The following DEAF1 variants were observed in gnomAD, a reference collection of about 807,000 sequenced individuals.
DEAF1 encodes DEAF1 transcription factor.
In DEAF1, 53 loss-of-function variants were observed where a neutral mutation model predicts 58.9. The observed-to-expected ratio is 0.90, with a 90% CI of 0.72 to 1.13. The LOEUF (loss-of-function observed/expected upper bound fraction) is 1.13. Ranked by LOEUF, DEAF1 falls within the 50% of genes most tolerant of loss-of-function variation. DEAF1 has a pLI of 0.00. For synonymous variants in DEAF1, 385 were observed against 340.4 expected, an observed-to-expected ratio of 1.13 and a Z score of -1.44; for missense variants, 685 against 791.4, an observed-to-expected ratio of 0.87 and a Z score of 1.61.
upstream of DEAF1, chr11:700,138 C>G: frequency 6.2e-7 from 1 of 1,613,894 alleles, no homozygotes; most frequent in Non-Finnish European, 8.5e-7. Flanking sequence ...TAACCACTCA[C>G]CAGCTCTCTT....
At chr11:678,631 T>C in intron 9 of DEAF1, 63 bp downstream of exon 9, 1 of 1,610,334 alleles carries the variant, frequency 6.2e-7, no homozygotes, top group East Asian at 2.2e-5. Flanking sequence ...ACTTAGGAAT[T>C]CTTTCATTGG....
chr11:656,901 G>C (rs1038387788), intron 10 of DEAF1, among the ~76,000 whole-genome samples: 3 of 151,984 alleles, frequency 2.0e-5, no homozygotes, highest in Non-Finnish European at 2.9e-5. Context: ...TAACGTTCTA[G>C]GAAGGTTAGA....
At chr11:668,528 A>C (rs1859659221) in intron 10 of DEAF1, among the ~76,000 whole-genome samples, 2 of 151,922 alleles carry the variant, frequency 1.3e-5, no homozygotes, top group Non-Finnish European at 2.9e-5. Context: ...CCGGCTAATG[A>C]AGGAAACATT....
intron 1 of DEAF1, chr11:703,481 G>A: frequency 8.0e-7 from 1 of 1,257,202 alleles, no homozygotes; most frequent in Non-Finnish European, 1.0e-6. Flanking sequence ...TGGGCCCCCA[G>A]GGCCGAGAGG....
chr11:644,917 C>G lies in DEAF1; in HGVS notation c.1594-263G>C, dbSNP rs900626631. Among the ~76,000 whole-genome samples the G allele has an allele frequency of 6.6e-6, 1 of 152,180 alleles. No individual in the cohort carries two copies. The highest frequency in any genetic ancestry group is 2.4e-5 in the African/African-American group (1 of 41,434). ...GTGGCTCACGCCTGTAATCCCAACA[C>G]TTTGGGAGGCCCAGGAGGGTGGATC... is the stretch of plus-strand genomic sequence containing the variant. On this transcript the variant is annotated intron_variant, in intron 11 of 11. Coordinates refer to ENST00000382409, the MANE Select transcript of DEAF1 (RefSeq NM_021008.4). This position sits in a 1 kb window ranked among gnomAD's most constrained non-coding sequence, Gnocchi z 4.3.
chr11:657,688 G>A (rs988315341), intron 10 of DEAF1, among the ~76,000 whole-genome samples: 14 of 152,236 alleles, frequency 9.2e-5, no homozygotes, highest in South Asian at 2.1e-4. Flanking sequence ...TGTCAGGGAC[G>A]CCACAGTGGG....
intron 10 of DEAF1, among the ~76,000 whole-genome samples, chr11:670,777 G>GTTTTTTTTT (rs1250514235): frequency 1.1e-4 from 2 of 18,970 alleles, no homozygotes; most frequent in African/African-American, 1.6e-4. Context: ...TTTTGTTTTT[G>GTTTTTTTTT]TTTTTTTTTT....
chr11:665,421 C>A (rs964228244), intron 10 of DEAF1, among the ~76,000 whole-genome samples: 1 of 152,192 alleles, frequency 6.6e-6, no homozygotes, highest in South Asian at 2.1e-4. Context: ...GGGAACACAT[C>A]GCTTCTAACA....
chr11:678,090 G>A (rs1023525091), intron 9 of DEAF1, among the ~76,000 whole-genome samples: 11 of 152,012 alleles, frequency 7.2e-5, no homozygotes, highest in Non-Finnish European at 1.6e-4. Context: ...TTCGAGATCT[G>A]TAATCCCAGC....
intron 9 of DEAF1, 197 bp downstream of exon 9, chr11:678,497 A>G: frequency 1.4e-6 from 1 of 728,150 alleles, no homozygotes; most frequent in Admixed American, 2.1e-5. Context: ...CACACACATG[A>G]ATGGACGTGG....
At chr11:648,287 C>CG (rs1448637403) in intron 11 of DEAF1, among the ~76,000 whole-genome samples, 1 of 151,558 alleles carries the variant, frequency 6.6e-6, no homozygotes, top group African/African-American at 2.4e-5. Flanking sequence ...CTCCGCCTCC[C>CG]GGGTTCATGC....
chr11:665,605 A>C (rs957602784), intron 10 of DEAF1, among the ~76,000 whole-genome samples: 3 of 152,244 alleles, frequency 2.0e-5, no homozygotes, highest in African/African-American at 7.2e-5. Flanking sequence ...TCTCATAGAA[A>C]TACATAAAAT....
At chr11:654,711 A>G in intron 10 of DEAF1, 1 of 439,722 alleles carries the variant, frequency 2.3e-6, no homozygotes, top group South Asian at 1.6e-5. Context: ...TCTACTAAAA[A>G]TACAAAAATT....
intron 5 of DEAF1, 56 bp from the exon 6 acceptor site, chr11:685,019 A>G (rs1860528894): frequency 1.5e-6 from 2 of 1,357,270 alleles, no homozygotes; most frequent in Non-Finnish European, 1.0e-6. Flanking sequence ...AATGTCAATC[A>G]TTCAATAATA....
intron 1 of DEAF1, 56 bp downstream of exon 1, chr11:694,703 G>A (rs1861027088): frequency 1.2e-5 from 15 of 1,270,580 alleles, no homozygotes; most frequent in Non-Finnish European, 1.4e-5. Flanking sequence ...CGGGGCAGGC[G>A]CGCGGGGTAG....
chr11:663,821 G>A (rs1455475670), intron 10 of DEAF1, among the ~76,000 whole-genome samples: 1 of 152,220 alleles, frequency 6.6e-6, no homozygotes, highest in Non-Finnish European at 1.5e-5. Flanking sequence ...CCGGTCTGCT[G>A]GACTCTAGGA....
chr11:700,028 G>C, upstream of DEAF1: 1 of 783,194 alleles, frequency 1.3e-6, no homozygotes, highest in East Asian at 2.5e-5. Flanking sequence ...AGACTCCATG[G>C]TCCCTTGGTG....
At chr11:705,955 G>A (rs950217829) in intron 1 of DEAF1, among the ~76,000 whole-genome samples, 3 of 152,214 alleles carry the variant, frequency 2.0e-5, no homozygotes, top group Admixed American at 6.5e-5. Flanking sequence ...CAGCTCTAGG[G>A]GCTAGGCCCG....
chr11:644,483 G>A lies in DEAF1; in HGVS notation c.*67C>T. 2.4e-6 allele frequency: 3 copies of A among 1,246,732 alleles called. No individual in the cohort carries two copies. Among genetic ancestry groups the A allele is most frequent in the Middle Eastern group, 4.6e-4 (2 of 4,338 alleles). The allele number at this position is 1,246,732 out of a possible 1,614,324, so 77.2% of individuals were successfully genotyped here. On this transcript the variant is annotated 3_prime_UTR_variant, in exon 12 of 12. Transcript: ENST00000382409. This position sits in a 1 kb window ranked among gnomAD's most constrained non-coding sequence, Gnocchi z 4.3. ...ACGTCCCCCCAGAGTCCTCAGGGGG[G>A]CCTTCGACCTGCAAAAGCCTCACAG...
Sources: gnomAD v4.1 joint callset for allele counts (sites outside exome capture counted in the v4.1 genomes callset) on GRCh38, gnomAD v4.1.1 for gene constraint, Gnocchi (gnomAD v3.1) non-coding constraint, MANE v1.5 for transcripts, NCBI Gene and HGNC (gene_info 2026-07-23, HGNC 2026-07-21) for gene names.